The following CCIN variants were observed in gnomAD, a reference collection of about 807,000 sequenced individuals.
CCIN encodes the protein testis tissue sperm-binding protein Li 65n.
Under a neutral mutation model 32.2 loss-of-function variants are expected in CCIN, and 15 were observed. That is an observed-to-expected ratio of 0.47 (90% CI 0.31 to 0.72). The LOEUF (loss-of-function observed/expected upper bound fraction) is 0.72. CCIN is among the 30% of genes least tolerant of loss of function. CCIN has a pLI of 0.05. For missense variants in CCIN, 623 were observed against 759.4 expected (o/e 0.82, Z 2.11); for synonymous variants, 302 against 297.4 (o/e 1.02, Z -0.16).
In CCIN at chr9:36,171,135, A is replaced by AGGAG; in HGVS notation, c.1633_1634insGGAG (p.Thr545ArgfsTer?). On this transcript the variant is annotated frameshift_variant, in exon 1 of 1. Transcript: ENST00000335119. LOFTEE classifies it high-confidence loss of function. ...CAGCGATGTCCAGACAAAGGACTACACCATCAATCCAAATGCCTTCTTGCT... is the reference window on the plus strand; with the variant it reads ...CAGCGATGTCCAGACAAAGGACTACAGGAGCCATCAATCCAAATGCCTTCTTGCT... 2 of 1,614,224 alleles carry AGGAG rather than the reference A, an allele frequency of 1.2e-6. No homozygotes were observed. The highest frequency in any genetic ancestry group is 1.7e-6 in the Non-Finnish European group (2 of 1,180,042).
In CCIN at chr9:36,170,444, C is replaced by T. The variant is rs776669648; in HGVS notation, c.942C>T (p.Pro314=). ...TGTGGATGAAGCTCTCAGACATGCC[C>T]TATCGGGCAGCAGCACTTAGTGCCA... ...ENLWMKLSDM[P]YRAAALSATS... The change falls in exon 1 of 1, where the codon CCC becomes CCT. Residue 314 remains proline, a synonymous_variant. Coordinates refer to ENST00000335119, the MANE Select transcript of CCIN (RefSeq NM_005893.3). The T allele has an allele frequency of 1.9e-6, 3 of 1,614,116 alleles. No homozygotes were observed. The highest frequency in any genetic ancestry group is 1.1e-5 in the South Asian group (1 of 91,084).
At position 36,170,734 on chromosome 9, in the gene CCIN, T is replaced by C. The variant is rs762663890; in HGVS notation, c.1232T>C (p.Ile411Thr). The stretch of plus-strand genomic sequence containing the variant: ...TGGTGCCTGGCAGGAAAGATGAGCA[T>C]CCCCATGGATGGCACCGCCGTGATC... ...EVWCLAGKMS[I>T]PMDGTAVITK... The change falls in exon 1 of 1, where the codon ATC becomes ACC. Residue 411 changes from isoleucine (I) to threonine (T), a missense_variant. Ile to Thr is a moderately conservative substitution (Grantham distance 89). Coordinates refer to ENST00000335119, the MANE Select transcript of CCIN (RefSeq NM_005893.3). The C allele has an allele frequency of 4.8e-5, 77 of 1,614,100 alleles. No homozygotes were observed. The highest frequency in any genetic ancestry group is 6.5e-5 in the Non-Finnish European group (77 of 1,180,034).
In CCIN at chr9:36,169,784, G is replaced by A; in HGVS notation, c.282G>A (p.Val94=). 1 of 1,614,196 alleles carries A rather than the reference G, an allele frequency of 6.2e-7. No homozygotes were observed. Among genetic ancestry groups the A allele is most frequent in the Non-Finnish European group, 8.5e-7 (1 of 1,180,036 alleles). The change falls in exon 1 of 1, where the codon GTG becomes GTA. Residue 94 remains valine (V), a synonymous_variant. Coordinates refer to ENST00000335119, the MANE Select transcript of CCIN (RefSeq NM_005893.3). ...QLLDYFYSGK[V]VISEQNVEEL... ...TGGACTACTTCTATAGCGGCAAGGT[G>A]GTGATCTCCGAGCAAAATGTGGAGG...
Position 36,169,693 on chromosome 9 carries a change from C to A in CCIN, c.191C>A (p.Thr64Asn), listed in dbSNP as rs185014782. 4 of 1,614,178 alleles carry A rather than the reference C, an allele frequency of 2.5e-6. No homozygotes were observed. The East Asian group carries it at 8.9e-5, about 36-fold the overall frequency. ...CTCATCTCCAGCAATGACATGAAGACCGCTGATGAGCTTTTCATCACCATT... is the reference window on the plus strand; with the variant it reads ...CTCATCTCCAGCAATGACATGAAGAACGCTGATGAGCTTTTCATCACCATT... ...RSLISSNDMK[T>N]ADELFITIDT... Residue 64 changes from threonine (T) to asparagine (N), a missense_variant, in exon 1 of 1, where the codon ACC becomes AAC. Coordinates refer to ENST00000335119, the MANE Select transcript of CCIN (RefSeq NM_005893.3).
rs1826305356 is a variant in CCIN at position 36,170,832 on chromosome 9, G to T, written c.1330G>T (p.Val444Leu). ...GAAAGGTTATATCTCCCGGGTCGGGGTAGTGGACTGCTTTGACACCAGCAC... is the reference window on the plus strand; with the variant it reads ...GAAAGGTTATATCTCCCGGGTCGGGTTAGTGGACTGCTTTGACACCAGCAC... ...LVKGYISRVG[V>L]VDCFDTSTGD... is the part of the protein sequence containing the mutation. Residue 444 changes from valine (V) to leucine (L), a missense_variant, in exon 1 of 1, where the codon GTA becomes TTA. Coordinates refer to ENST00000335119, the MANE Select transcript of CCIN (RefSeq NM_005893.3). 2 of 1,614,274 alleles carry T rather than the reference G, an allele frequency of 1.2e-6. No homozygotes were observed. The highest frequency in any genetic ancestry group is 4.5e-5 in the East Asian group (2 of 44,892).
chr9:36,170,809 A>G lies in CCIN; in HGVS notation c.1307A>G (p.Lys436Arg), dbSNP rs1826304877. 6.2e-7 allele frequency: 1 copy of G among 1,614,114 alleles called. No homozygotes were observed. The highest frequency in any genetic ancestry group is 8.5e-7 in the Non-Finnish European group (1 of 1,180,054). The stretch of plus-strand genomic sequence containing the variant: ...ATTGTCACTGGACGGTGCTTGGTGA[A>G]AGGTTATATCTCCCGGGTCGGGGTA... ...LYIVTGRCLVKGYISRVGVVD... is the reference protein window; with the variant it reads ...LYIVTGRCLVRGYISRVGVVD... Residue 436 changes from lysine (K) to arginine (R), a missense_variant, in exon 1 of 1, where the codon AAA becomes AGA. By Grantham distance (26) the Lys-to-Arg change is conservative. Transcript: ENST00000335119.
rs1563895471 is a variant in CCIN at position 36,169,985 on chromosome 9, CT to C, written c.484del (p.Tyr162ThrfsTer91). The part of the protein sequence containing the change: ...AYSGIRDNFH[Y>X]WASPEGSMHF... ...ACTCTGGCATTCGGGACAACTTCCA[CT>C]ACTGGGCCAGTCCTGAGGGCTCCAT... is the stretch of plus-strand genomic sequence containing the variant. On this transcript the variant is annotated frameshift_variant, in exon 1 of 1. Transcript: ENST00000335119. LOFTEE classifies it high-confidence loss of function. 1 of 1,614,068 alleles carries C rather than the reference CT, an allele frequency of 6.2e-7. No individual in the cohort carries two copies. The highest frequency in any genetic ancestry group is 1.7e-5 in the Admixed American group (1 of 60,020).
Position 36,170,189 on chromosome 9 carries a change from C to T in CCIN, c.687C>T (p.Ser229=), listed in dbSNP as rs767626789. ...ATTACATCAATCTCAATGCTGTCTCCAATAAGACGCTGGTGTTTGCCAGCA... is the reference window on the plus strand; with the variant it reads ...ATTACATCAATCTCAATGCTGTCTCTAATAAGACGCTGGTGTTTGCCAGCA... ...FFNYINLNAV[S]NKTLVFASNK... is the part of the protein sequence containing the mutation. Residue 229 remains serine (S), a synonymous_variant, in exon 1 of 1, where the codon TCC becomes TCT. Transcript: ENST00000335119. 4.8e-5 allele frequency: 77 copies of T among 1,614,074 alleles called. No homozygotes were observed. The highest frequency in any genetic ancestry group is 6.4e-5 in the Non-Finnish European group (75 of 1,180,042).
Position 36,169,942 on chromosome 9 carries a change from A to C in CCIN, c.440A>C (p.Glu147Ala). The C allele has an allele frequency of 6.2e-7, 1 of 1,614,016 alleles. No homozygotes were observed. The highest frequency in any genetic ancestry group is 8.5e-7 in the Non-Finnish European group (1 of 1,180,016). ...LFLAELFELKEVSDVAYSGIR... is the reference protein window; with the variant it reads ...LFLAELFELKAVSDVAYSGIR... ...TTGGCTGAGCTGTTTGAGCTCAAAG[A>C]GGTATCAGACGTAGCTTACTCTGGC... The change falls in exon 1 of 1, where the codon GAG becomes GCG. Residue 147 changes from glutamate (E) to alanine (A), a missense_variant. By Grantham distance (107) the Glu-to-Ala change is moderately radical. Transcript: ENST00000335119.
chr9:36,170,217 A>G lies in CCIN; in HGVS notation c.715A>G (p.Lys239Glu), dbSNP rs1466447503. 2 of 1,614,180 alleles carry G rather than the reference A, an allele frequency of 1.2e-6. No homozygotes were observed. The highest frequency in any genetic ancestry group is 1.1e-5 in the South Asian group (1 of 91,078). The change falls in exon 1 of 1, where the codon AAG (lysine) becomes GAG (glutamate). Residue 239 changes from lysine to glutamate, a missense_variant. Physicochemically the swap from Lys to Glu is moderately conservative, Grantham distance 56. Transcript: ENST00000335119. ...TAAGACGCTGGTGTTTGCCAGCAAC[A>G]AGCTGGTGGGCATGGAGAACACCTC... Reference protein sequence around the residue: ...SNKTLVFASNKLVGMENTSSH... With the variant: ...SNKTLVFASNELVGMENTSSH...
Position 36,169,438 on chromosome 9 carries a change from A to G in CCIN, c.-65A>G. 6.6e-7 allele frequency: 1 copy of G among 1,504,476 alleles called. No individual in the cohort carries two copies. The highest frequency in any genetic ancestry group is 9.2e-7 in the Non-Finnish European group (1 of 1,087,666). 93.2% of individuals were successfully genotyped at this position (1,504,476 alleles called of 1,614,324 possible). A position where few individuals can be genotyped will look rare whatever the true frequency, so the allele number is the denominator to read the frequency against. On this transcript the variant is annotated 5_prime_UTR_variant, in exon 1 of 1. Transcript: ENST00000335119. ...TGCAAACAACCATCAATCTGATCCC[A>G]CAGGCCTGAGAAAGTCTGCTCTCCA... is the stretch of plus-strand genomic sequence containing the variant.
In CCIN at chr9:36,171,190, TG is replaced by T; in HGVS notation, c.1690del (p.Ala564LeufsTer14). 1 of 1,614,214 alleles carries T rather than the reference TG, an allele frequency of 6.2e-7. No homozygotes were observed. Among genetic ancestry groups the T allele is most frequent in the African/African-American group, 1.3e-5 (1 of 75,072 alleles). On this transcript the variant is annotated frameshift_variant, in exon 1 of 1. Transcript: ENST00000335119. LOFTEE classifies it high-confidence loss of function. ...CAAAAGACAGGCAAGTGGAAGACCC[TG>T]GCTCCTCCACCAGAGGCACTGGACT... ...LDQKTGKWKTLAPPPEALDCP... is the reference protein window; with the variant it reads ...LDQKTGKWKTXAPPPEALDCP...
At position 36,170,098 on chromosome 9, in the gene CCIN, G is replaced by T. The variant is rs1448396573; in HGVS notation, c.596G>T (p.Ser199Ile). 3 of 1,614,096 alleles carry T rather than the reference G, an allele frequency of 1.9e-6. No homozygotes were observed. The highest frequency in any genetic ancestry group is 2.7e-5 in the African/African-American group (2 of 74,934). The stretch of plus-strand genomic sequence containing the variant: ...GTGCTCAATGAAGACCAGGCGCTCA[G>T]CGCACTCATCAATTGGGTGTACTTC... Reference protein sequence around the residue: ...LHVLNEDQALSALINWVYFRK... With the variant: ...LHVLNEDQALIALINWVYFRK... Residue 199 changes from serine to isoleucine, a missense_variant, in exon 1 of 1, where the codon AGC becomes ATC. By Grantham distance (142) the Ser-to-Ile change is moderately radical. Coordinates refer to ENST00000335119, the MANE Select transcript of CCIN (RefSeq NM_005893.3).
Position 36,171,159 on chromosome 9 carries a change from C to T in CCIN, c.1657C>T (p.Leu553=), listed in dbSNP as rs769719968. Residue 553 remains leucine (L), a synonymous_variant, in exon 1 of 1, where the codon CTG becomes TTG. Coordinates refer to ENST00000335119, the MANE Select transcript of CCIN (RefSeq NM_005893.3). ...DYTINPNAFL[L]DQKTGKWKTL... ...CACCATCAATCCAAATGCCTTCTTG[C>T]TGGACCAAAAGACAGGCAAGTGGAA... 6.2e-6 allele frequency: 10 copies of T among 1,614,094 alleles called. No homozygotes were observed. In the Admixed American group the frequency reaches 1.5e-4, roughly 24 times the overall value.
chr9:36,170,342 C>T lies in CCIN; in HGVS notation c.840C>T (p.Ser280=), dbSNP rs374895691. The T allele has an allele frequency of 9.7e-5, 156 of 1,614,172 alleles. 2 individuals are homozygous for T. Among genetic ancestry groups the T allele is most frequent in the African/African-American group, 8.3e-4 (62 of 75,068 alleles). ...AGCGGAAAGGGGCCCTGCTTGATTC[C>T]GTGGTCATCCTCGGTGGCCAGAAGG... is the stretch of plus-strand genomic sequence containing the variant. ...VYQRKGALLD[S]VVILGGQKAH... Residue 280 remains serine (S), a synonymous_variant, in exon 1 of 1, where the codon TCC becomes TCT. Transcript: ENST00000335119.
rs147304766 is a variant in CCIN at position 36,170,197 on chromosome 9, C to T, written c.695C>T (p.Thr232Met). The change falls in exon 1 of 1, where the codon ACG (threonine) becomes ATG (methionine). Residue 232 changes from threonine (T) to methionine (M), a missense_variant. Physicochemically the swap from Thr to Met is moderately conservative, Grantham distance 81 (BLOSUM62 -1). Coordinates refer to ENST00000335119, the MANE Select transcript of CCIN (RefSeq NM_005893.3). ...YINLNAVSNK[T>M]LVFASNKLVG... is the part of the protein sequence containing the mutation. ...AATCTCAATGCTGTCTCCAATAAGA[C>T]GCTGGTGTTTGCCAGCAACAAGCTG... 69 of 1,614,176 alleles carry T rather than the reference C, an allele frequency of 4.3e-5. No individual in the cohort carries two copies. Among genetic ancestry groups the T allele is most frequent in the Admixed American group, 2.3e-4 (14 of 60,018 alleles).
Position 36,170,620 on chromosome 9 carries a change from GT to G in CCIN, c.1119del (p.Cys373TrpfsTer37), listed in dbSNP as rs766138055. Reference sequence around the variant, plus strand: ...CTTGTCTTCCACACCATGGTGACCTGTGGGGGGACAGTGTACTCAGTGGGCG... The same window carrying G: ...CTTGTCTTCCACACCATGGTGACCTGGGGGGGACAGTGTACTCAGTGGGCG... Reference protein sequence around the residue: ...IGLVFHTMVTCGGTVYSVGGS... With the variant: ...IGLVFHTMVTXGGTVYSVGGS... On this transcript the variant is annotated frameshift_variant, in exon 1 of 1. Coordinates refer to ENST00000335119, the MANE Select transcript of CCIN (RefSeq NM_005893.3). LOFTEE classifies it high-confidence loss of function. The G allele has an allele frequency of 4.3e-6, 7 of 1,614,154 alleles. No individual in the cohort carries two copies. The highest frequency in any genetic ancestry group is 5.9e-6 in the Non-Finnish European group (7 of 1,180,004).
Position 36,170,474 on chromosome 9 carries a change from T to C in CCIN, c.972T>C (p.Ser324=). 1 of 1,614,184 alleles carries C rather than the reference T, an allele frequency of 6.2e-7. No homozygotes were observed. Among genetic ancestry groups the C allele is most frequent in the Non-Finnish European group, 8.5e-7 (1 of 1,180,044 alleles). Residue 324 remains serine, a synonymous_variant, in exon 1 of 1, where the codon TCT becomes TCC. Transcript: ENST00000335119. The stretch of plus-strand genomic sequence containing the variant: ...GGGCAGCAGCACTTAGTGCCACCTC[T>C]GCTGGTCGCTACATCTACATCTCTG... ...PYRAAALSAT[S]AGRYIYISGG...
Position 36,170,343 on chromosome 9 carries a change from G to A in CCIN, c.841G>A (p.Val281Met), listed in dbSNP as rs150485511. The A allele has an allele frequency of 9.9e-6, 16 of 1,614,188 alleles. No individual in the cohort carries two copies. Among genetic ancestry groups the A allele is most frequent in the South Asian group, 4.4e-5 (4 of 91,090 alleles). ...GCGGAAAGGGGCCCTGCTTGATTCC[G>A]TGGTCATCCTCGGTGGCCAGAAGGC... ...YQRKGALLDSVVILGGQKAHG... is the reference protein window; with the variant it reads ...YQRKGALLDSMVILGGQKAHG... Residue 281 changes from valine (V) to methionine (M), a missense_variant, in exon 1 of 1, where the codon GTG becomes ATG. By Grantham distance (21) the Val-to-Met change is conservative (BLOSUM62 1). Transcript: ENST00000335119.
Sources: allele counts gnomAD v4.1 joint callset, GRCh38; gene constraint gnomAD v4.1.1; transcripts MANE v1.5; gene names NCBI Gene and HGNC (gene_info 2026-07-23, HGNC 2026-07-21).